Variants in LRBA observed in about 807,000 individuals in gnomAD.
LRBA encodes the protein lipopolysaccharide-responsive and beige-like anchor protein.
In LRBA, 176 loss-of-function variants were observed where a neutral mutation model predicts 330.0. The ratio of observed to expected loss-of-function variants is 0.53; its 90% CI spans 0.47 to 0.60. The LOEUF (loss-of-function observed/expected upper bound fraction) is 0.60, where lower values mean the gene tolerates loss of function less well. LRBA is among the 20% of genes least tolerant of loss of function. LRBA has a pLI of 0.00. For missense variants in LRBA, 3,259 were observed against 3,444.8 expected (o/e 0.95, Z 1.35); for synonymous variants, 1,230 against 1,193.0 (o/e 1.03, Z -0.64).
At chr4:150,422,211 G>A (rs963882769) in intron 46 of LRBA, among the ~76,000 whole-genome samples, 2 of 152,150 alleles carry the variant, frequency 1.3e-5, no homozygotes, top group African/African-American at 4.8e-5. Context: ...AGTGAGCCGA[G>A]TTCATGCCAC....
intron 40 of LRBA, among the ~76,000 whole-genome samples, chr4:150,562,084 G>T (rs1209785996): frequency 1.5e-5 from 2 of 129,244 alleles, no homozygotes; most frequent in East Asian, 2.4e-4. Flanking sequence ...TTCCCCCTTA[G>T]CCTCTCCTTC....
intron 38 of LRBA, chr4:150,597,211 A>G: frequency 1.8e-6 from 1 of 540,812 alleles, no homozygotes; most frequent in East Asian, 3.2e-5. Context: ...GAGTCTTAGG[A>G]TGATAGTAAA....
At chr4:150,378,185 C>T (rs904547367) in intron 47 of LRBA, among the ~76,000 whole-genome samples, 2 of 152,150 alleles carry the variant, frequency 1.3e-5, no homozygotes, top group African/African-American at 4.8e-5. Context: ...AAGTGATTGA[C>T]AGATAATAGC....
intron 2 of LRBA, among the ~76,000 whole-genome samples, chr4:151,008,570 T>A (rs1225915160): frequency 1.3e-5 from 2 of 151,928 alleles, no homozygotes; most frequent in Non-Finnish European, 2.9e-5. Context: ...AGGAATACTG[T>A]ATTTTCAATT....
At chr4:150,337,751 AAC>A (rs1291643103) in intron 48 of LRBA, among the ~76,000 whole-genome samples, 1 of 152,136 alleles carries the variant, frequency 6.6e-6, no homozygotes, top group African/African-American at 2.4e-5. Flanking sequence ...ATATTGCTAC[AAC>A]CACTGTAATC....
At chr4:150,495,500 C>A (rs1759482193) in intron 40 of LRBA, among the ~76,000 whole-genome samples, 1 of 151,970 alleles carries the variant, frequency 6.6e-6, no homozygotes, top group South Asian at 2.1e-4. Context: ...CAATTAGGGT[C>A]AAAAAATTTG....
At chr4:150,431,737 T>C (rs1581288192) in intron 46 of LRBA, among the ~76,000 whole-genome samples, 1 of 152,150 alleles carries the variant, frequency 6.6e-6, no homozygotes, top group Non-Finnish European at 1.5e-5. Context: ...TATATTTCCA[T>C]TGGAGAGTCG....
chr4:150,739,725 T>C (rs1731690469), intron 35 of LRBA, among the ~76,000 whole-genome samples: 1 of 152,218 alleles, frequency 6.6e-6, no homozygotes, highest in Non-Finnish European at 1.5e-5. Flanking sequence ...TGTTATGAGC[T>C]GCCCTGTGTA....
intron 42 of LRBA, among the ~76,000 whole-genome samples, chr4:150,483,346 T>C (rs138002887): frequency 5.1e-4 from 77 of 152,206 alleles, no homozygotes; most frequent in African/African-American, 1.7e-3. Flanking sequence ...CATTGGTTTA[T>C]ATGAGTCTAT....
intron 48 of LRBA, among the ~76,000 whole-genome samples, chr4:150,329,041 C>T (rs187529524): frequency 2.1e-4 from 32 of 152,226 alleles, no homozygotes; most frequent in African/African-American, 7.5e-4. Context: ...ATACAAGTGG[C>T]ACATTACTGA....
At chr4:150,373,755 T>C (rs1238087039) in intron 47 of LRBA, among the ~76,000 whole-genome samples, 1 of 152,174 alleles carries the variant, frequency 6.6e-6, no homozygotes, top group Middle Eastern at 3.2e-3. Context: ...GAGGACATCA[T>C]TAAATTTTTC....
chr4:150,291,967 G>A (rs1041487036), intron 53 of LRBA, among the ~76,000 whole-genome samples: 9 of 152,216 alleles, frequency 5.9e-5, no homozygotes, highest in South Asian at 2.1e-4. Context: ...GTAAACTATC[G>A]CAAGAACAAA....
In LRBA at chr4:150,760,886, A is replaced by T. The variant is rs773545936; in HGVS notation, c.5645+897T>A. Among the ~76,000 whole-genome samples, 15 of 152,328 alleles carry T rather than the reference A, an allele frequency of 9.8e-5. No homozygotes were observed. The South Asian group carries it at 3.1e-3, about 32-fold the overall frequency. On this transcript the variant is annotated intron_variant, in intron 35 of 56. Transcript: ENST00000651943. ...AGGATTTTAGTAGTATTTAAAATCA[A>T]ATAAAGTTACGAATACTCTTTTCGC...
At chr4:150,896,594 C>A in intron 15 of LRBA, 138 bp from the exon 16 acceptor site, 1 of 496,064 alleles carries the variant, frequency 2.0e-6, no homozygotes, top group Non-Finnish European at 3.6e-6. Flanking sequence ...AAATTTAAAA[C>A]AAAAATTTGG....
chr4:150,503,817 C>A (rs549229179), intron 40 of LRBA, among the ~76,000 whole-genome samples: 35 of 152,118 alleles, frequency 2.3e-4, no homozygotes, highest in African/African-American at 7.2e-4. Context: ...AAATTCGAAC[C>A]AATGGCAAAG....
intron 2 of LRBA, chr4:150,970,558 C>CGTGTGT (rs886585528): frequency 1.0e-3 from 10 of 9,968 alleles, no homozygotes; most frequent in African/African-American, 1.7e-3. Context: ...TGTGTGTGTA[C>CGTGTGT]ACACACACAC....
chr4:150,970,550 TGTGTGTACACACACACAC>T (rs1414072644), intron 2 of LRBA: 1 of 48,934 alleles, frequency 2.0e-5, no homozygotes, highest in East Asian at 4.4e-4. Context: ...TGTGTGTGTG[TGTGTGTACACACACACAC>T]ACACACACAC....
intron 34 of LRBA, among the ~76,000 whole-genome samples, chr4:150,784,452 G>T (rs1475910887): frequency 6.6e-6 from 1 of 152,152 alleles, no homozygotes; most frequent in Non-Finnish European, 1.5e-5. Flanking sequence ...TGGCAACACA[G>T]CTGCCCCCAC....
In LRBA at chr4:150,903,498, G is replaced by T. The variant is rs150781124; in HGVS notation, c.1755+2340C>A. On this transcript the variant is annotated intron_variant, in intron 13 of 56. Coordinates refer to ENST00000651943, the MANE Select transcript of LRBA (RefSeq NM_001364905.1). Reference sequence around the variant, plus strand: ...CACACCTGTGATCCCAGCACTCTTGGGGGGCTGAGGCAGGTAGATCACTTG... The same window carrying T: ...CACACCTGTGATCCCAGCACTCTTGTGGGGCTGAGGCAGGTAGATCACTTG... 8.3e-3 allele frequency among the ~76,000 whole-genome samples: 1,262 copies of T among 152,212 alleles called. 53 individuals are homozygous for T. Among genetic ancestry groups the T allele is most frequent in the Admixed American group, 0.067 (1,017 of 15,290 alleles).
Sources: gnomAD v4.1 joint callset for allele counts (sites outside exome capture counted in the v4.1 genomes callset) on GRCh38, gnomAD v4.1.1 for gene constraint, MANE v1.5 for transcripts, NCBI Gene and HGNC (gene_info 2026-07-23, HGNC 2026-07-21) for gene names.